Variants in RBFOX3 observed in about 807,000 individuals in gnomAD.
The protein encoded by RBFOX3 is RNA binding protein fox-1 homolog 3.
Under a neutral mutation model 48.7 loss-of-function variants are expected in RBFOX3, and 17 were observed. The ratio of observed to expected loss-of-function variants is 0.35; its 90% CI spans 0.24 to 0.52. The LOEUF is 0.52. RBFOX3 is among the 20% of genes least tolerant of loss of function. The pLI, the probability that RBFOX3 is intolerant of heterozygous loss-of-function variation, is 0.94. For synonymous variants in RBFOX3, 212 were observed against 209.5 expected (o/e 1.01, Z -0.10); for missense variants, 382 against 497.5 (o/e 0.77, Z 2.21).
At chr17:79,382,337 C>T (rs1353758527) in intron 2 of RBFOX3, among the ~76,000 whole-genome samples, 1 of 152,230 alleles carries the variant, frequency 6.6e-6, no homozygotes, top group Non-Finnish European at 1.5e-5. Flanking sequence ...GGCTCTAGAC[C>T]ACTCCAGGTT....
At chr17:79,126,002 T>C (rs60017620) in intron 4 of RBFOX3, among the ~76,000 whole-genome samples, 16,315 of 152,218 alleles carry the variant, frequency 0.11, 983 homozygotes, top group South Asian at 0.25. Context: ...TACCACCCCC[T>C]GCACATTTAA....
intron 9 of RBFOX3, among the ~76,000 whole-genome samples, chr17:79,101,027 G>C (rs920873569): frequency 6.6e-6 from 1 of 152,116 alleles, no homozygotes; most frequent in South Asian, 2.1e-4. Flanking sequence ...ACCTCCCCCC[G>C]GGCCCTTCCT....
chr17:79,388,351 G>T (rs1358610721), intron 2 of RBFOX3, among the ~76,000 whole-genome samples: 1 of 152,138 alleles, frequency 6.6e-6, no homozygotes, highest in Admixed American at 6.5e-5. Flanking sequence ...GCTGAACGAG[G>T]ATGCAGAGCC....
intron 1 of RBFOX3, among the ~76,000 whole-genome samples, chr17:79,596,011 G>A (rs949021224): frequency 5.4e-4 from 82 of 152,312 alleles, no homozygotes; most frequent in Admixed American, 1.0e-3. Context: ...GGAGCCTCAG[G>A]ATATCTTCCA....
chr17:79,227,322 C>T (rs1008502113), intron 4 of RBFOX3, among the ~76,000 whole-genome samples: 50 of 152,200 alleles, frequency 3.3e-4, no homozygotes, highest in Middle Eastern at 3.2e-3. Flanking sequence ...AGTGGTTTCC[C>T]CTTTTCCTCC....
intron 2 of RBFOX3, among the ~76,000 whole-genome samples, chr17:79,394,080 A>G (rs1439763553): frequency 6.6e-6 from 1 of 151,604 alleles, no homozygotes; most frequent in Non-Finnish European, 1.5e-5. Flanking sequence ...GTCATCATAC[A>G]CATCATCTGA....
chr17:79,518,019 T>A (rs980119764), intron 1 of RBFOX3, among the ~76,000 whole-genome samples: 5 of 152,166 alleles, frequency 3.3e-5, no homozygotes, highest in Non-Finnish European at 7.3e-5. Context: ...TCAGGTGTAA[T>A]TAAACAGTAT....
intron 1 of RBFOX3, among the ~76,000 whole-genome samples, chr17:79,490,233 T>C (rs1476699971): frequency 2.0e-5 from 3 of 152,240 alleles, no homozygotes; most frequent in Admixed American, 1.3e-4. Context: ...AATAATACAG[T>C]GTACCTTTTG....
intron 4 of RBFOX3, among the ~76,000 whole-genome samples, chr17:79,126,465 CCTCTGG>C (rs72282956): frequency 0.028 from 4,292 of 152,212 alleles, 201 homozygotes; most frequent in African/African-American, 0.096. Flanking sequence ...CGGGGGCTGA[CCTCTGG>C]CAGGTAGGGG....
At chr17:79,539,307 G>A (rs1305369943) in intron 1 of RBFOX3, among the ~76,000 whole-genome samples, 4 of 152,168 alleles carry the variant, frequency 2.6e-5, no homozygotes, top group East Asian at 1.9e-4. Context: ...AGCCATGATC[G>A]TACCACTGCA....
intron 2 of RBFOX3, among the ~76,000 whole-genome samples, chr17:79,424,709 T>A (rs2148800893): frequency 6.6e-6 from 1 of 152,202 alleles, no homozygotes; most frequent in South Asian, 2.1e-4. Context: ...ACAACAGCCA[T>A]AGTCTTCCCC....
chr17:79,177,442 G>A (rs939849719), intron 4 of RBFOX3, among the ~76,000 whole-genome samples: 8 of 152,176 alleles, frequency 5.3e-5, no homozygotes, highest in East Asian at 1.9e-4. Flanking sequence ...GAGGAGAGGC[G>A]GGAGGCACAT....
chr17:79,531,464 T>G (rs1460614095), intron 1 of RBFOX3, among the ~76,000 whole-genome samples: 2 of 152,146 alleles, frequency 1.3e-5, no homozygotes, highest in Non-Finnish European at 2.9e-5. Context: ...CCCTGTAAAT[T>G]TAGAACGCGT....
At chr17:79,455,738 C>T (rs1411131730) in intron 2 of RBFOX3, among the ~76,000 whole-genome samples, 7 of 152,154 alleles carry the variant, frequency 4.6e-5, no homozygotes, top group African/African-American at 1.7e-4. Flanking sequence ...CGGACGCAGA[C>T]ATTCACACAT....
intron 2 of RBFOX3, among the ~76,000 whole-genome samples, chr17:79,378,865 C>T (rs534400808): frequency 1.9e-4 from 29 of 152,350 alleles, no homozygotes; most frequent in Non-Finnish European, 3.5e-4. Flanking sequence ...TCTCCACAGC[C>T]GCACAGTGGG....
chr17:79,475,715 G>C (rs1006138953), intron 2 of RBFOX3, among the ~76,000 whole-genome samples: 1 of 152,194 alleles, frequency 6.6e-6, no homozygotes, highest in African/African-American at 2.4e-5. Context: ...CAGGAAGGTC[G>C]TGCGCGACAG....
chr17:79,434,146 C>T (rs535356907), intron 2 of RBFOX3, among the ~76,000 whole-genome samples: 5 of 152,248 alleles, frequency 3.3e-5, no homozygotes, highest in African/African-American at 7.2e-5. Context: ...TCAGAAAGGA[C>T]GCTTTGTAGT....
At chr17:79,558,116 C>T (rs1258498487) in intron 1 of RBFOX3, among the ~76,000 whole-genome samples, 1 of 152,138 alleles carries the variant, frequency 6.6e-6, no homozygotes, top group Non-Finnish European at 1.5e-5. Flanking sequence ...CCATCGCAGA[C>T]CAGCTTGTGA....
chr17:79,094,543 T>A lies in RBFOX3; in HGVS notation c.999-14A>T. 1 of 327,810 alleles carries A rather than the reference T, an allele frequency of 3.1e-6. No individual in the cohort carries two copies. Among genetic ancestry groups the A allele is most frequent in the Non-Finnish European group, 3.7e-6 (1 of 267,424 alleles). The allele number at this position is 327,810 out of a possible 1,614,324, so 20.3% of individuals were successfully genotyped here. A position where few individuals can be genotyped will look rare whatever the true frequency, so the allele number is the denominator to read the frequency against. ...ACTCTGCCGTAACTAGGGAAGAGCG[T>A]GGGAGGGGGAGTGGGAGGAGGGTGG... On this transcript the variant is annotated splice_polypyrimidine_tract_variant and intron_variant, in intron 13 of 14. Coordinates refer to ENST00000693108, the MANE Select transcript of RBFOX3 (RefSeq NM_001350451.2).
Sources: gnomAD v4.1 joint callset for allele counts (sites outside exome capture counted in the v4.1 genomes callset) on GRCh38, gnomAD v4.1.1 for gene constraint, MANE v1.5 for transcripts, NCBI Gene and HGNC (gene_info 2026-07-23, HGNC 2026-07-21) for gene names.